Variants in MED13L observed in about 807,000 individuals in gnomAD.
The protein encoded by MED13L is mediator of RNA polymerase II transcription subunit 13-like.
A neutral mutation model predicts 220.9 loss-of-function variants in MED13L; 7 were observed. That is an observed-to-expected ratio of 0.03 (90% CI 0.02 to 0.06). The LOEUF (loss-of-function observed/expected upper bound fraction) is 0.06. Ranked by LOEUF, MED13L falls within the 10% of genes least tolerant of loss-of-function variation. MED13L has a pLI of 1.00. For missense variants in MED13L, 1,965 were observed against 2,760.5 expected, an observed-to-expected ratio of 0.71 and a Z score of 6.46; for synonymous variants, 1,011 against 1,015.2, an observed-to-expected ratio of 1.00 and a Z score of 0.08.
At chr12:116,045,379 C>T (rs938766380) in intron 4 of MED13L, among the ~76,000 whole-genome samples, 3 of 152,120 alleles carry the variant, frequency 2.0e-5, no homozygotes, top group Admixed American at 2.0e-4. Flanking sequence ...TGCTCAGCTC[C>T]TGTCTGAGCT....
At chr12:116,140,709 A>G (rs185848186) in intron 2 of MED13L, among the ~76,000 whole-genome samples, 69 of 152,304 alleles carry the variant, frequency 4.5e-4, no homozygotes, top group African/African-American at 1.6e-3. Flanking sequence ...AGTCATCCCT[A>G]AAGTTAAATC....
intron 2 of MED13L, chr12:116,148,630 TA>T (rs1555216342): frequency 5.6e-6 from 1 of 179,872 alleles, no homozygotes; most frequent in South Asian, 1.0e-4. Context: ...TATATATATA[TA>T]CGGAGCTAGA....
At chr12:116,189,368 T>G (rs1054389389) in intron 2 of MED13L, among the ~76,000 whole-genome samples, 1 of 152,136 alleles carries the variant, frequency 6.6e-6, no homozygotes, top group Non-Finnish European at 1.5e-5. Context: ...TTTTAATACT[T>G]TGCGTTGAGA....
At position 116,277,122 on chromosome 12, in the gene MED13L, C is replaced by T. The variant is rs1424018799; in HGVS notation, c.10G>A (p.Ala4Thr). The T allele has an allele frequency of 1.9e-6, 3 of 1,584,034 alleles. No homozygotes were observed. Among genetic ancestry groups the T allele is most frequent in the South Asian group, 2.3e-5 (2 of 87,074 alleles). The change falls in exon 1 of 31, where the codon GCA (alanine) becomes ACA (threonine). Residue 4 changes from alanine to threonine, a missense_variant. By Grantham distance (58) the Ala-to-Thr change is moderately conservative (BLOSUM62 0). Transcript: ENST00000281928. ...GCCCCGTTCGCCACCCAGTTCGCTG[C>T]CGCAGTCATGATCCTCCGCGAGCCC... is the stretch of plus-strand genomic sequence containing the variant. MTA[A>T]ANWVANGASL...
chr12:116,108,213 A>G (rs1051015431), intron 3 of MED13L, among the ~76,000 whole-genome samples: 4 of 152,194 alleles, frequency 2.6e-5, no homozygotes, highest in Non-Finnish European at 4.4e-5. Context: ...ATTGCCAGGA[A>G]TAAGACAGTA....
At chr12:116,146,589 C>T (rs1877535486) in intron 2 of MED13L, among the ~76,000 whole-genome samples, 1 of 151,926 alleles carries the variant, frequency 6.6e-6, no homozygotes, top group Non-Finnish European at 1.5e-5. Context: ...AAATAGCCAA[C>T]CATGGTGACT....
chr12:116,267,044 C>T (rs1233233953), intron 1 of MED13L, among the ~76,000 whole-genome samples: 2 of 152,176 alleles, frequency 1.3e-5, no homozygotes, highest in Admixed American at 1.3e-4. Context: ...CTATTCCTGA[C>T]ATTCCCTGAG....
At chr12:116,009,158 CATT>C (rs768467146) in intron 9 of MED13L, 26 bp from the exon 10 acceptor site, 5 of 1,612,870 alleles carry the variant, frequency 3.1e-6, no homozygotes, top group Non-Finnish European at 2.5e-6. Flanking sequence ...ACAATTACAT[CATT>C]ATAACATTAA....
rs572486930 is a variant in MED13L at position 116,269,600 on chromosome 12, G to A, written c.72+7460C>T. ...CCAACATTTGGGGAGGCTGCGGTGGGAGGACTGCTTGAGCCCACTGCACTC... is the reference window on the plus strand; with the variant it reads ...CCAACATTTGGGGAGGCTGCGGTGGAAGGACTGCTTGAGCCCACTGCACTC... On this transcript the variant is annotated intron_variant, in intron 1 of 30. Transcript: ENST00000281928. Among the ~76,000 whole-genome samples the A allele has an allele frequency of 2.0e-5, 3 of 152,256 alleles. No homozygotes were observed. The East Asian group carries it at 5.8e-4, about 29-fold the overall frequency.
chr12:116,111,837 G>A (rs944586517), intron 2 of MED13L, among the ~76,000 whole-genome samples: 3 of 152,020 alleles, frequency 2.0e-5, no homozygotes, highest in Admixed American at 6.5e-5. Context: ...TAAGAGTATC[G>A]CAAAGACTAA....
At chr12:116,122,912 C>T (rs1875223027) in intron 2 of MED13L, among the ~76,000 whole-genome samples, 1 of 152,118 alleles carries the variant, frequency 6.6e-6, no homozygotes, top group Non-Finnish European at 1.5e-5. Flanking sequence ...TGTACAAGGC[C>T]TTCAAAAGAC....
intron 13 of MED13L, among the ~76,000 whole-genome samples, chr12:116,003,991 TC>T (rs1878899986): frequency 6.6e-6 from 1 of 152,194 alleles, no homozygotes; most frequent in Admixed American, 6.5e-5. Flanking sequence ...TGTCCAATTC[TC>T]CTTTTCATGT....
At chr12:116,219,660 CCCAA>C (rs1333096332) in intron 2 of MED13L, among the ~76,000 whole-genome samples, 2 of 152,252 alleles carry the variant, frequency 1.3e-5, no homozygotes, top group African/African-American at 2.4e-5. Flanking sequence ...TACAGTATTT[CCCAA>C]CCAAATTATT....
chr12:116,127,098 T>C (rs1875655308), intron 2 of MED13L, among the ~76,000 whole-genome samples: 1 of 152,208 alleles, frequency 6.6e-6, no homozygotes, highest in South Asian at 2.1e-4. Context: ...CTTCTTTCCA[T>C]AGTTTAAATA....
At chr12:116,171,624 T>C (rs1261207054) in intron 2 of MED13L, among the ~76,000 whole-genome samples, 2 of 152,190 alleles carry the variant, frequency 1.3e-5, no homozygotes, top group African/African-American at 4.8e-5. Context: ...AAAACAAAGC[T>C]TTCTAAAATG....
intron 2 of MED13L, among the ~76,000 whole-genome samples, chr12:116,151,589 A>C (rs1248417554): frequency 6.6e-6 from 1 of 152,256 alleles, no homozygotes; most frequent in Non-Finnish European, 1.5e-5. Flanking sequence ...CTGAGCAATA[A>C]GAAGTCACAT....
rs1005783459 is a variant in MED13L at position 116,132,279 on chromosome 12, CAA to C, written c.311-20769_311-20768del. Reference sequence around the variant, plus strand: ...TGGGCAAGAGAGCAATACTTCGTCTCAAAAAAAAAAAAAAAAAAAAAATCAGT... The same window carrying C: ...TGGGCAAGAGAGCAATACTTCGTCTCAAAAAAAAAAAAAAAAAAAATCAGT... On this transcript the variant is annotated intron_variant, in intron 2 of 30. Coordinates refer to ENST00000281928, the MANE Select transcript of MED13L (RefSeq NM_015335.5). 5.1e-3 allele frequency among the ~76,000 whole-genome samples: 393 copies of C among 77,400 alleles called. 1 individual carries two copies. Among genetic ancestry groups the C allele is most frequent in the African/African-American group, 0.014 (290 of 21,412 alleles). The allele number at this position is 77,400 out of a possible 152,430, so 50.8% of individuals were successfully genotyped here.
intron 2 of MED13L, among the ~76,000 whole-genome samples, chr12:116,139,069 G>A (rs766713035): frequency 2.0e-5 from 3 of 152,116 alleles, no homozygotes; most frequent in Admixed American, 2.0e-4. Flanking sequence ...AAGTGGTCAA[G>A]AAGAGACTGG....
intron 7 of MED13L, among the ~76,000 whole-genome samples, chr12:116,017,135 C>T (rs888461469): frequency 5.9e-5 from 9 of 152,220 alleles, no homozygotes; most frequent in Admixed American, 4.6e-4. Flanking sequence ...AGGAATAAGG[C>T]GACATCAGGG....
Sources: gnomAD v4.1 joint callset for allele counts (sites outside exome capture counted in the v4.1 genomes callset) on GRCh38, gnomAD v4.1.1 for gene constraint, MANE v1.5 for transcripts, NCBI Gene and HGNC (gene_info 2026-07-23, HGNC 2026-07-21) for gene names.